CLEC16A: variants seen among roughly 807,000 people sequenced by gnomAD.
The protein encoded by CLEC16A is protein CLEC16A.
A neutral mutation model predicts 109.5 loss-of-function variants in CLEC16A; 51 were observed. The ratio of observed to expected loss-of-function variants is 0.47; its 90% CI spans 0.37 to 0.59. The LOEUF is 0.59. Ranked by LOEUF, CLEC16A falls within the 20% of genes least tolerant of loss-of-function variation. The probability of loss-of-function intolerance (pLI) is 0.00; values close to 1 mark genes in which losing one functional copy is unlikely to be tolerated. For missense variants in CLEC16A, 1,339 were observed against 1,394.0 expected (o/e 0.96, Z 0.63); for synonymous variants, 673 against 564.2 (o/e 1.19, Z -2.73).
At chr16:11,096,645 C>T (rs746088772) in intron 19 of CLEC16A, among the ~76,000 whole-genome samples, 28 of 152,184 alleles carry the variant, frequency 1.8e-4, no homozygotes, top group Non-Finnish European at 3.5e-4. Flanking sequence ...ACCCTGTGCA[C>T]GCTGTTCGAT....
intron 23 of CLEC16A, among the ~76,000 whole-genome samples, chr16:11,169,868 C>G (rs749609404): frequency 1.3e-5 from 2 of 152,202 alleles, no homozygotes; most frequent in Non-Finnish European, 2.9e-5. Context: ...GATACTCCTC[C>G]TGAAATTGAG....
intron 3 of CLEC16A, among the ~76,000 whole-genome samples, chr16:10,964,221 C>G (rs1002793610): frequency 3.9e-5 from 6 of 152,250 alleles, no homozygotes; most frequent in African/African-American, 1.4e-4. Context: ...GCCTCAGAGA[C>G]GCCTTATGCT....
intron 19 of CLEC16A, among the ~76,000 whole-genome samples, chr16:11,097,954 C>G (rs2050700133): frequency 6.6e-6 from 1 of 152,158 alleles, no homozygotes; most frequent in Non-Finnish European, 1.5e-5. Flanking sequence ...GGGAGGTCTG[C>G]CTCCCACAAG....
chr16:11,111,743 A>G (rs894610884), intron 19 of CLEC16A, among the ~76,000 whole-genome samples: 1 of 152,268 alleles, frequency 6.6e-6, no homozygotes, highest in African/African-American at 2.4e-5. Flanking sequence ...AAGAGCAGGC[A>G]TTAGGCTGTA....
At chr16:11,166,668 C>A in intron 23 of CLEC16A, 116 bp downstream of exon 23, 1 of 1,026,186 alleles carries the variant, frequency 9.7e-7, no homozygotes, top group Non-Finnish European at 1.4e-6. Context: ...AAGGATGATG[C>A]CGCTCAGGTG....
chr16:11,148,577 A>G (rs2054164022), intron 22 of CLEC16A, among the ~76,000 whole-genome samples: 1 of 152,158 alleles, frequency 6.6e-6, no homozygotes, highest in African/African-American at 2.4e-5. Flanking sequence ...AATTTCCATT[A>G]CACAGCCAGT....
chr16:11,080,816 T>C (rs1308648537), intron 19 of CLEC16A, among the ~76,000 whole-genome samples: 1 of 152,234 alleles, frequency 6.6e-6, no homozygotes, highest in African/African-American at 2.4e-5. Flanking sequence ...TCTTTCACTT[T>C]TAGAACCCCT....
Position 10,957,659 on chromosome 16 carries a change from A to G in CLEC16A, c.81-123A>G, listed in dbSNP as rs1011286464. 7.3e-6 allele frequency: 7 copies of G among 960,636 alleles called. No homozygotes were observed. The African/African-American group carries it at 8.1e-5, about 11-fold the overall frequency. The allele number at this position is 960,636 out of a possible 1,614,324, so 59.5% of individuals were successfully genotyped here. On this transcript the variant is annotated intron_variant, in intron 1 of 23. Transcript: ENST00000409790. ...GAGTTACATCTAATCTGAATGGGAA[A>G]TTGCATTACCCAAACCTGAAAAAGC...
chr16:11,039,000 TG>T (rs1372076951), intron 13 of CLEC16A, among the ~76,000 whole-genome samples: 2 of 152,108 alleles, frequency 1.3e-5, no homozygotes, highest in Non-Finnish European at 2.9e-5. Context: ...GCACAATTGT[TG>T]GGGATGACTG....
intron 22 of CLEC16A, among the ~76,000 whole-genome samples, chr16:11,163,483 A>AT (rs934005630): frequency 3.9e-5 from 3 of 77,528 alleles, no homozygotes; most frequent in Admixed American, 3.0e-4. Flanking sequence ...GTAGTTGGTG[A>AT]TTTTTTTGTT....
At chr16:11,137,298 G>A (rs188961898) in intron 22 of CLEC16A, among the ~76,000 whole-genome samples, 16 of 152,050 alleles carry the variant, frequency 1.1e-4, no homozygotes, top group Admixed American at 6.5e-5. Flanking sequence ...GCAGAAAACC[G>A]AGAAACGAAA....
chr16:11,165,664 C>G (rs144713006), intron 22 of CLEC16A, among the ~76,000 whole-genome samples: 1 of 152,178 alleles, frequency 6.6e-6, no homozygotes, highest in Non-Finnish European at 1.5e-5. Context: ...GTTCAAGTGT[C>G]TGGTGCTTCT....
chr16:11,151,574 A>G (rs1259700659), intron 22 of CLEC16A, among the ~76,000 whole-genome samples: 1 of 152,240 alleles, frequency 6.6e-6, no homozygotes, highest in South Asian at 2.1e-4. Context: ...CCGTAGCTCA[A>G]AATGTCTGTT....
chr16:10,976,455 G>C (rs1299183338), intron 7 of CLEC16A, among the ~76,000 whole-genome samples: 1 of 151,898 alleles, frequency 6.6e-6, no homozygotes, highest in Non-Finnish European at 1.5e-5. Context: ...AGACATTAGG[G>C]TTATAAGTCC....
At position 11,042,236 on chromosome 16, in the gene CLEC16A, C is replaced by T; in HGVS notation, c.1661-18C>T. 1 of 1,559,476 alleles carries T rather than the reference C, an allele frequency of 6.4e-7. No homozygotes were observed. Among genetic ancestry groups the T allele is most frequent in the Non-Finnish European group, 8.7e-7 (1 of 1,150,522 alleles). On this transcript the variant is annotated intron_variant, in intron 14 of 23. Coordinates refer to ENST00000409790, the MANE Select transcript of CLEC16A (RefSeq NM_015226.3). ...CCCCACCCTGGGTGTGCAAGGCTTA[C>T]CCTGGTGTGCTCTGCAGATGGGAAG...
chr16:11,123,503 C>T (rs1320784122), intron 20 of CLEC16A, among the ~76,000 whole-genome samples: 1 of 152,194 alleles, frequency 6.6e-6, no homozygotes, highest in Non-Finnish European at 1.5e-5. Flanking sequence ...CCAGCCACCA[C>T]CACCAGCATC....
At chr16:10,992,297 T>A (rs937822394) in intron 10 of CLEC16A, among the ~76,000 whole-genome samples, 1 of 139,822 alleles carries the variant, frequency 7.2e-6, no homozygotes, top group East Asian at 2.0e-4. Context: ...ATCCCCTCCC[T>A]GCCCAGTCTC....
intron 23 of CLEC16A, among the ~76,000 whole-genome samples, chr16:11,175,505 C>G (rs2068712110): frequency 6.6e-6 from 1 of 152,244 alleles, no homozygotes; most frequent in African/African-American, 2.4e-5. Flanking sequence ...AGTGTCCTCA[C>G]TGGGTAATTT....
intron 11 of CLEC16A, among the ~76,000 whole-genome samples, chr16:11,014,270 A>G (rs565368914): frequency 9.8e-5 from 15 of 152,300 alleles, no homozygotes; most frequent in South Asian, 4.1e-4. Context: ...ACTCCATATC[A>G]TTTCTCAGAT....
Sources: allele counts gnomAD v4.1 joint callset (sites outside exome capture counted in the v4.1 genomes callset), GRCh38; gene constraint gnomAD v4.1.1; transcripts MANE v1.5; gene names NCBI Gene and HGNC (gene_info 2026-07-23, HGNC 2026-07-21).